The following CLIC5 variants were observed in gnomAD, a reference collection of about 807,000 sequenced individuals.
The protein encoded by CLIC5 is CLIC family member 5, also known as chloride intracellular channel protein 5.
In CLIC5, 20 loss-of-function variants were observed where a neutral mutation model predicts 24.7. The observed-to-expected ratio is 0.81, with a 90% CI of 0.57 to 1.18. CLIC5 has a LOEUF of 1.18. CLIC5 is among the 50% of genes most tolerant of loss of function. The probability of loss-of-function intolerance (pLI) is 0.00; values close to 1 mark genes in which losing one functional copy is unlikely to be tolerated. For synonymous variants in CLIC5, 159 were observed against 135.6 expected, an observed-to-expected ratio of 1.17 and a Z score of -1.20; for missense variants, 341 against 326.1, an observed-to-expected ratio of 1.05 and a Z score of -0.35.
rs527350118 is a variant in CLIC5 at position 46,023,504 on chromosome 6, T to C, written c.540+56199A>G. Among the ~76,000 whole-genome samples, 3 of 152,318 alleles carry C rather than the reference T, an allele frequency of 2.0e-5. No individual in the cohort carries two copies. The East Asian group carries it at 5.8e-4, about 29-fold the overall frequency. On this transcript the variant is annotated intron_variant, in intron 1 of 5. Coordinates refer to the CLIC5 transcript ENST00000185206. ...GAAATTGCTTACTGAATTGGTGGGA[T>C]AAGTAAATGACTAGTCTTGGATAAG...
At chr6:46,039,202 C>T (rs557400856) in intron 1 of CLIC5, among the ~76,000 whole-genome samples, 1 of 151,948 alleles carries the variant, frequency 6.6e-6, no homozygotes, top group African/African-American at 2.4e-5. Flanking sequence ...TAAGATTCTT[C>T]CAGAATAACA....
At chr6:45,906,869 C>G (rs1451890044) in intron 5 of CLIC5, among the ~76,000 whole-genome samples, 4 of 152,172 alleles carry the variant, frequency 2.6e-5, no homozygotes, top group African/African-American at 9.7e-5. Context: ...GCCACATTGA[C>G]TTTTTATACT....
the CLIC5 span, among the ~76,000 whole-genome samples, chr6:46,126,670 T>C: frequency 1.3e-5 from 2 of 152,240 alleles, no homozygotes; most frequent in African/African-American, 2.4e-5. Context: ...ATAAAATCTG[T>C]ATTACTTAAA....
At chr6:46,128,312 C>G in the CLIC5 span, among the ~76,000 whole-genome samples, 1 of 152,230 alleles carries the variant, frequency 6.6e-6, no homozygotes, top group South Asian at 2.1e-4. Context: ...ATCTTCACCA[C>G]ACATCTGACC....
At chr6:46,111,616 CT>C in the CLIC5 span, among the ~76,000 whole-genome samples, 1 of 152,138 alleles carries the variant, frequency 6.6e-6, no homozygotes, top group Non-Finnish European at 1.5e-5. Context: ...CATTTGTTTT[CT>C]TTTCCCTTCC....
chr6:46,080,478 C>T (rs1762896782), upstream of CLIC5: 1 of 476,870 alleles, frequency 2.1e-6, no homozygotes, highest in Non-Finnish European at 3.7e-6. Context: ...CTCCTTCACT[C>T]CTAAAGATAT....
chr6:45,898,260 T>C (rs540111299), downstream of CLIC5, among the ~76,000 whole-genome samples: 6 of 152,200 alleles, frequency 3.9e-5, no homozygotes, highest in South Asian at 1.2e-3. Context: ...CTGGCCAACA[T>C]GGTGACACCC....
At chr6:46,097,222 A>G in the CLIC5 span, 1 of 152,216 alleles carries the variant, frequency 6.6e-6, no homozygotes, top group African/African-American at 2.4e-5. Context: ...ATATGAATGG[A>G]TGGATGGATG....
chr6:45,909,895 A>G (rs1762769463), intron 5 of CLIC5, among the ~76,000 whole-genome samples: 1 of 152,192 alleles, frequency 6.6e-6, no homozygotes, highest in Non-Finnish European at 1.5e-5. Context: ...GAGAAGCCCC[A>G]GATCAGTCAC....
intron 1 of CLIC5, among the ~76,000 whole-genome samples, chr6:45,978,855 T>TA (rs1172547541): frequency 1.3e-5 from 2 of 151,254 alleles, no homozygotes; most frequent in Admixed American, 6.6e-5. Flanking sequence ...GAGGCTGAGG[T>TA]AGGAGAATGG....
At chr6:46,079,716 T>C (rs1762872756) in exon 1 of CLIC5, 1 of 1,550,960 alleles carries the variant, frequency 6.4e-7, no homozygotes, top group African/African-American at 1.4e-5. Context: ...CACAAAGAGG[T>C]AAATCTCAGG....
At chr6:45,888,401 G>C (rs953737941) in intron 6 of CLIC5, among the ~76,000 whole-genome samples, 2 of 152,206 alleles carry the variant, frequency 1.3e-5, no homozygotes, top group Non-Finnish European at 2.9e-5. Flanking sequence ...TTCAGGGAAA[G>C]AGAGATAATG....
chr6:46,009,654 T>C (rs924072550), intron 1 of CLIC5, among the ~76,000 whole-genome samples: 3 of 152,148 alleles, frequency 2.0e-5, no homozygotes, highest in African/African-American at 7.2e-5. Flanking sequence ...ATAATACGTG[T>C]GCATGTGTGA....
At chr6:46,031,512 G>GT (rs1022796176) in intron 1 of CLIC5, among the ~76,000 whole-genome samples, 6 of 152,248 alleles carry the variant, frequency 3.9e-5, no homozygotes, top group African/African-American at 1.4e-4. Context: ...CAAAAGATTT[G>GT]TAATAAAAAT....
chr6:46,015,546 G>A lies in CLIC5; in HGVS notation c.-4C>T, dbSNP rs1358860344. On this transcript the variant is annotated 5_prime_UTR_variant, in exon 1 of 6. It adds an upstream start codon to the 5' untranslated region. Transcript: ENST00000339561. ...TAGCTGTCGCCGAGTCTGTCATGCCGTTGGCGCCCGGGGCTACCGTCCCGG... is the reference window on the plus strand; with the variant it reads ...TAGCTGTCGCCGAGTCTGTCATGCCATTGGCGCCCGGGGCTACCGTCCCGG... 2.5e-6 allele frequency: 4 copies of A among 1,571,084 alleles called. No homozygotes were observed. Among genetic ancestry groups the A allele is most frequent in the Non-Finnish European group, 3.4e-6 (4 of 1,159,956 alleles).
intron 1 of CLIC5, among the ~76,000 whole-genome samples, chr6:46,064,422 C>T (rs567510196): frequency 3.0e-4 from 45 of 152,102 alleles, no homozygotes; most frequent in Admixed American, 7.9e-4. Context: ...AACACATTCC[C>T]ATCTCATTCT....
At chr6:45,913,732 C>G in intron 5 of CLIC5, 3 of 1,197,154 alleles carry the variant, frequency 2.5e-6, no homozygotes, top group Non-Finnish European at 3.1e-6. Context: ...CTTCTTGCAA[C>G]CTCCACCTCT....
At chr6:46,032,802 A>C (rs1481749093) in intron 1 of CLIC5, among the ~76,000 whole-genome samples, 1 of 152,178 alleles carries the variant, frequency 6.6e-6, no homozygotes, top group African/African-American at 2.4e-5. Flanking sequence ...TGCATCTTAA[A>C]AGCAACTCTC....
Position 45,911,074 on chromosome 6 carries a change from C to T in CLIC5, c.588+3154G>A, listed in dbSNP as rs149820789. On this transcript the variant is annotated intron_variant, in intron 5 of 5. Transcript: ENST00000339561. ...GGCACCAGCTGAGCATCACTTTCAC[C>T]GACATTCAGCTCTGCAGGGTCCCTC... Among the ~76,000 whole-genome samples, 26 of 152,270 alleles carry T rather than the reference C, an allele frequency of 1.7e-4. No homozygotes were observed. In the South Asian group the frequency reaches 3.1e-3, roughly 18 times the overall value.
Sources: allele counts gnomAD v4.1 joint callset (sites outside exome capture counted in the v4.1 genomes callset), GRCh38; gene constraint gnomAD v4.1.1; transcripts MANE v1.5; gene names NCBI Gene and HGNC (gene_info 2026-07-23, HGNC 2026-07-21).